The following CLIC4 variants were observed in gnomAD, a reference collection of about 807,000 sequenced individuals.
The protein encoded by CLIC4 is CLIC family member 4, also known as chloride intracellular channel protein 4.
CLIC4 carries 13 observed loss-of-function variants against 24.6 expected under a neutral mutation model. The ratio of observed to expected loss-of-function variants is 0.53; its 90% CI spans 0.34 to 0.84. The LOEUF (loss-of-function observed/expected upper bound fraction) is 0.84. Among genes scored for constraint, CLIC4 ranks in the 40% least tolerant of loss-of-function variants. The pLI, the probability that CLIC4 is intolerant of heterozygous loss-of-function variation, is 0.01. For synonymous variants in CLIC4, 104 were observed against 111.3 expected (o/e 0.93, Z 0.41); for missense variants, 227 against 301.7 (o/e 0.75, Z 1.83).
chr1:24,760,210 C>T (rs2124088711), intron 1 of CLIC4, among the ~76,000 whole-genome samples: 1 of 151,676 alleles, frequency 6.6e-6, no homozygotes, highest in Non-Finnish European at 1.5e-5. Context: ...ACTAAGACTA[C>T]AAAAAATTAG....
At chr1:24,775,959 TA>T (rs1482065949) in intron 1 of CLIC4, among the ~76,000 whole-genome samples, 2 of 152,188 alleles carry the variant, frequency 1.3e-5, no homozygotes, top group African/African-American at 4.8e-5. Context: ...ATGCCCGTCT[TA>T]AAAGCATTGA....
At chr1:24,805,568 C>A (rs138462740) in intron 2 of CLIC4, among the ~76,000 whole-genome samples, 1 of 151,882 alleles carries the variant, frequency 6.6e-6, no homozygotes, top group African/African-American at 2.4e-5. Flanking sequence ...AAAAGGAACT[C>A]GATTTTTTTT....
chr1:24,831,934 C>T (rs576390810), intron 4 of CLIC4, among the ~76,000 whole-genome samples: 28 of 152,238 alleles, frequency 1.8e-4, no homozygotes, highest in African/African-American at 5.3e-4. Context: ...GCACCATGCC[C>T]GGCCATGCAT....
At chr1:24,779,766 C>T (rs1375337410) in intron 1 of CLIC4, among the ~76,000 whole-genome samples, 1 of 152,176 alleles carries the variant, frequency 6.6e-6, no homozygotes, top group African/African-American at 2.4e-5. Context: ...ACCATCCACG[C>T]GTCTTTAGGA....
intron 1 of CLIC4, among the ~76,000 whole-genome samples, chr1:24,765,924 G>T (rs1347881245): frequency 1.3e-5 from 2 of 150,170 alleles, no homozygotes; most frequent in Non-Finnish European, 3.0e-5. Flanking sequence ...CAATTCTCCT[G>T]CCTCAGCCTC....
intron 1 of CLIC4, among the ~76,000 whole-genome samples, chr1:24,756,499 T>G (rs191008422): frequency 1.6e-3 from 247 of 152,340 alleles, no homozygotes; most frequent in African/African-American, 5.6e-3. Flanking sequence ...GTAACAAAAT[T>G]ATTACTTCCA....
At chr1:24,749,588 AG>A (rs1040499689) in intron 1 of CLIC4, among the ~76,000 whole-genome samples, 4 of 152,190 alleles carry the variant, frequency 2.6e-5, no homozygotes, top group African/African-American at 9.6e-5. Context: ...ATATAACAGC[AG>A]GATGGTTTTT....
In CLIC4 at chr1:24,747,332, G is replaced by A. The variant is rs190064150; in HGVS notation, c.72+1707G>A. Among the ~76,000 whole-genome samples the A allele has an allele frequency of 5.6e-3, 851 of 151,580 alleles. 10 individuals are homozygous for A. The highest frequency in any genetic ancestry group is 0.02 in the African/African-American group (822 of 41,274). On this transcript the variant is annotated intron_variant, in intron 1 of 5. Coordinates refer to ENST00000374379, the MANE Select transcript of CLIC4 (RefSeq NM_013943.3). The stretch of plus-strand genomic sequence containing the variant: ...GGGCAGATCACGAGGTCAGGAGATC[G>A]AGACCATCCTGGCCAACATGGTGAA...
At chr1:24,769,844 A>G (rs1042236519) in intron 1 of CLIC4, among the ~76,000 whole-genome samples, 10 of 151,752 alleles carry the variant, frequency 6.6e-5, no homozygotes, top group Non-Finnish European at 1.3e-4. Flanking sequence ...TAAACTTGTT[A>G]AGGAACCTGA....
At chr1:24,783,800 T>C (rs1639234076) in intron 1 of CLIC4, among the ~76,000 whole-genome samples, 1 of 152,256 alleles carries the variant, frequency 6.6e-6, no homozygotes, top group African/African-American at 2.4e-5. Flanking sequence ...ACCAAAATTG[T>C]CCTTGACATT....
intron 1 of CLIC4, among the ~76,000 whole-genome samples, chr1:24,748,255 A>G (rs1638729710): frequency 6.6e-6 from 1 of 152,002 alleles, no homozygotes; most frequent in Non-Finnish European, 1.5e-5. Flanking sequence ...TCTGTTTTTC[A>G]TATTTGTGTT....
At chr1:24,774,092 C>G (rs1639103328) in intron 1 of CLIC4, among the ~76,000 whole-genome samples, 3 of 152,114 alleles carry the variant, frequency 2.0e-5, no homozygotes, top group African/African-American at 7.2e-5. Flanking sequence ...CCTGCCTCAG[C>G]CTCCCGAGTA....
At chr1:24,772,146 C>T (rs1264393480) in intron 1 of CLIC4, among the ~76,000 whole-genome samples, 2 of 151,986 alleles carry the variant, frequency 1.3e-5, no homozygotes. Context: ...ATTCTTTGAC[C>T]CGAAAGAATA....
At chr1:24,768,903 C>CAAAAAA (rs71032856) in intron 1 of CLIC4, among the ~76,000 whole-genome samples, 5 of 107,282 alleles carry the variant, frequency 4.7e-5, no homozygotes, top group African/African-American at 7.3e-5. Context: ...TCTGCCTCAC[C>CAAAAAA]AAAAAAAAAA....
chr1:24,758,778 A>C (rs373941536), intron 1 of CLIC4, among the ~76,000 whole-genome samples: 1 of 151,202 alleles, frequency 6.6e-6, no homozygotes, highest in African/African-American at 2.4e-5. Flanking sequence ...TTTCTTAATA[A>C]GTTTGCATGA....
At chr1:24,831,536 A>G (rs559028243) in intron 4 of CLIC4, among the ~76,000 whole-genome samples, 3 of 152,346 alleles carry the variant, frequency 2.0e-5, no homozygotes, top group Admixed American at 6.5e-5. Context: ...TTCAGGCAAC[A>G]TTATCTTCCC....
At chr1:24,781,800 G>C (rs1331495084) in intron 1 of CLIC4, among the ~76,000 whole-genome samples, 1 of 151,626 alleles carries the variant, frequency 6.6e-6, no homozygotes, top group African/African-American at 2.4e-5. Context: ...ACAGGTGCCC[G>C]CCACCACGCC....
chr1:24,839,862 C>T lies in CLIC4; in HGVS notation c.418C>T (p.Leu140=). The change falls in exon 5 of 6, where the codon CTG becomes TTG. Residue 140 remains leucine (L), a splice_region_variant and synonymous_variant. Transcript: ENST00000374379. ...KNSRPEANEA[L]ERGLLKTLQK... ...CATCTCTTTTTTTCCCCCCCAAGCACTGGAGAGGGGTCTCCTGAAAACCCT... is the reference window on the plus strand; with the variant it reads ...CATCTCTTTTTTTCCCCCCCAAGCATTGGAGAGGGGTCTCCTGAAAACCCT... The T allele has an allele frequency of 1.2e-6, 2 of 1,609,734 alleles. No individual in the cohort carries two copies. Among genetic ancestry groups the T allele is most frequent in the African/African-American group, 1.3e-5 (1 of 74,850 alleles).
chr1:24,794,483 T>C (rs752480978), intron 1 of CLIC4, among the ~76,000 whole-genome samples: 10 of 152,158 alleles, frequency 6.6e-5, no homozygotes, highest in Non-Finnish European at 1.3e-4. Context: ...GGGCCACATG[T>C]ATGTCTTCTT....
Sources: gnomAD v4.1 joint callset for allele counts (sites outside exome capture counted in the v4.1 genomes callset) on GRCh38, gnomAD v4.1.1 for gene constraint, MANE v1.5 for transcripts, NCBI Gene and HGNC (gene_info 2026-07-23, HGNC 2026-07-21) for gene names.